Variants in TEX36 observed in about 807,000 individuals in gnomAD.
TEX36 encodes the protein testis expressed 36.
A neutral mutation model predicts 13.6 loss-of-function variants in TEX36; 12 were observed. The observed-to-expected ratio is 0.88, with a 90% confidence interval of 0.56 to 1.43. TEX36 has a LOEUF of 1.43. Among genes scored for constraint, TEX36 ranks in the 40% most tolerant of loss-of-function variants. The probability of loss-of-function intolerance (pLI) is 0.00; values close to 1 mark genes in which losing one functional copy is unlikely to be tolerated. For synonymous variants in TEX36, 93 were observed against 83.0 expected (o/e 1.12, Z -0.65); for missense variants, 224 against 228.3 (o/e 0.98, Z 0.12).
chr10:125,666,834 C>T lies in TEX36; in HGVS notation c.52-4857G>A, dbSNP rs540985270. The T allele has an allele frequency of 3.8e-4, 117 of 308,556 alleles. 8 individuals carry two copies. The highest frequency in any genetic ancestry group is 1.3e-4 in the Admixed American group (3 of 23,570). 19.1% of individuals were successfully genotyped at this position (308,556 alleles called of 1,614,324 possible). On this transcript the variant is annotated intron_variant, in intron 1 of 3. Coordinates refer to ENST00000368821, the MANE Select transcript of TEX36 (RefSeq NM_001128202.3). The stretch of plus-strand genomic sequence containing the variant: ...GGCCCGCTCTTCAAGAGAGTAGGGG[C>T]GGGGCCTGGAGTGTTGGGAACAGCC...
chr10:125,645,961 T>G (rs1358636660), intron 3 of TEX36, among the ~76,000 whole-genome samples: 2 of 152,248 alleles, frequency 1.3e-5, no homozygotes, highest in East Asian at 3.9e-4. Flanking sequence ...CAGAAATTAA[T>G]TAATAAAATG....
intron 3 of TEX36, among the ~76,000 whole-genome samples, chr10:125,647,606 C>T (rs1000196754): frequency 2.8e-4 from 42 of 152,332 alleles, no homozygotes; most frequent in African/African-American, 9.6e-4. Flanking sequence ...ATGTGAGTGA[C>T]ACAGAAGATG....
rs936380262 is a variant in TEX36 at position 125,656,200 on chromosome 10, G to A, written c.265-4C>T. ...AGATCTTCTTACGTCCCAGGCCCTG[G>A]AGAGAAGAATTACAAGATTCGAAGG... On this transcript the variant is annotated splice_polypyrimidine_tract_variant and splice_region_variant and intron_variant, in intron 3 of 3. Transcript: ENST00000368821. The A allele has an allele frequency of 6.9e-7, 1 of 1,446,222 alleles. No homozygotes were observed. Among genetic ancestry groups the A allele is most frequent in the Non-Finnish European group, 9.1e-7 (1 of 1,100,752 alleles). 89.6% of individuals were successfully genotyped at this position (1,446,222 alleles called of 1,614,324 possible). A position where few individuals can be genotyped will look rare whatever the true frequency, so the allele number is the denominator to read the frequency against.
At chr10:125,636,203 ATT>A (rs748673256) in intron 3 of TEX36, among the ~76,000 whole-genome samples, 2,464 of 121,638 alleles carry the variant, frequency 0.02, 64 homozygotes, top group African/African-American at 0.079. Context: ...TGTTTGCTGA[ATT>A]TTTTTTTTTT....
chr10:125,634,901 G>A (rs1047240517), intron 3 of TEX36, among the ~76,000 whole-genome samples: 1 of 152,164 alleles, frequency 6.6e-6, no homozygotes, highest in Non-Finnish European at 1.5e-5. Context: ...GGAAGATGAA[G>A]CTGTACAAAG....
intron 3 of TEX36, among the ~76,000 whole-genome samples, chr10:125,643,008 G>A (rs936558796): frequency 6.6e-6 from 1 of 152,198 alleles, no homozygotes; most frequent in African/African-American, 2.4e-5. Flanking sequence ...CAGGGGTGCT[G>A]GCATGGAGGC....
chr10:125,623,794 C>A (rs1213435461), intron 3 of TEX36, among the ~76,000 whole-genome samples: 1 of 152,192 alleles, frequency 6.6e-6, no homozygotes, highest in Non-Finnish European at 1.5e-5. Context: ...GATTTAATAA[C>A]ACATTAAAGA....
intron 1 of TEX36, among the ~76,000 whole-genome samples, chr10:125,668,690 T>C (rs1449627435): frequency 6.6e-6 from 1 of 152,224 alleles, no homozygotes; most frequent in East Asian, 1.9e-4. Context: ...ATCCTTTGTA[T>C]TTTCTTTTAG....
exon 4 of TEX36, chr10:125,576,691 C>T: frequency 6.6e-7 from 1 of 1,526,292 alleles, no homozygotes; most frequent in Non-Finnish European, 8.8e-7. Context: ...CCAACTAATA[C>T]ACATTCTATT....
intron 3 of TEX36, among the ~76,000 whole-genome samples, chr10:125,614,727 C>T (rs1846335777): frequency 6.6e-6 from 1 of 152,156 alleles, no homozygotes; most frequent in African/African-American, 2.4e-5. Flanking sequence ...ATGCCTCCAG[C>T]TTTGTTCTTT....
intron 3 of TEX36, among the ~76,000 whole-genome samples, chr10:125,585,164 C>T (rs11244569): frequency 1.3e-5 from 2 of 152,218 alleles, no homozygotes; most frequent in South Asian, 2.1e-4. Context: ...TCATGACAAA[C>T]TGCACAAAGA....
At chr10:125,601,442 CTTGT>C (rs1297556046) in intron 3 of TEX36, among the ~76,000 whole-genome samples, 1 of 152,210 alleles carries the variant, frequency 6.6e-6, no homozygotes, top group African/African-American at 2.4e-5. Flanking sequence ...CAGATGATTG[CTTGT>C]TTGTTTGAGT....
At position 125,683,147 on chromosome 10, in the gene TEX36, G is replaced by C. The variant is rs1469601035; in HGVS notation, c.-158C>G. The C allele has an allele frequency of 1.1e-5, 9 of 841,716 alleles. No homozygotes were observed. The highest frequency in any genetic ancestry group is 1.5e-5 in the Non-Finnish European group (8 of 520,876). The allele number at this position is 841,716 out of a possible 1,614,324, so 52.1% of individuals were successfully genotyped here. On this transcript the variant is annotated 5_prime_UTR_variant, in exon 1 of 4. Transcript: ENST00000368821. ...ATCTTTACTTCTCAGCCTCTTCCAGGAGGGGAAGGTGCGGGTGCCCATTGT... is the reference window on the plus strand; with the variant it reads ...ATCTTTACTTCTCAGCCTCTTCCAGCAGGGGAAGGTGCGGGTGCCCATTGT...
intron 1 of TEX36, chr10:125,667,685 T>A: frequency 1.4e-6 from 1 of 735,064 alleles, no homozygotes; most frequent in Non-Finnish European, 2.5e-6. Flanking sequence ...ACGCCCATCA[T>A]CCTTCTTCTG....
At chr10:125,584,863 C>T (rs761731160) in intron 3 of TEX36, among the ~76,000 whole-genome samples, 9 of 152,238 alleles carry the variant, frequency 5.9e-5, no homozygotes, top group Non-Finnish European at 1.3e-4. Context: ...TTTGTTACAG[C>T]AGCCTGAGAG....
chr10:125,648,621 C>T (rs1170070068), intron 3 of TEX36, among the ~76,000 whole-genome samples: 4 of 152,160 alleles, frequency 2.6e-5, no homozygotes, highest in African/African-American at 7.2e-5. Flanking sequence ...CGCAGCTCCT[C>T]GGCAGCAATG....
Position 125,580,634 on chromosome 10 carries a change from T to A in TEX36, c.265-3760A>T, listed in dbSNP as rs150259713. Among the ~76,000 whole-genome samples, 226 of 152,220 alleles carry A rather than the reference T, an allele frequency of 1.5e-3. 1 individual carries two copies. Among genetic ancestry groups the A allele is most frequent in the African/African-American group, 5.0e-3 (208 of 41,540 alleles). ...AACCCTTGTCACCAAGGGCCCACAT[T>A]ACTGAAGCCCGCTAGGTGGGCTGGC... On this transcript the variant is annotated intron_variant, in intron 3 of 3. Transcript: ENST00000532135.
At chr10:125,584,787 GACTTCCAAAGGGC>G (rs1274050481) in intron 3 of TEX36, among the ~76,000 whole-genome samples, 14 of 152,260 alleles carry the variant, frequency 9.2e-5, no homozygotes, top group African/African-American at 3.4e-4. Context: ...AACCAACTGT[GACTTCCAAAGGGC>G]AGAAATGTGA....
chr10:125,608,972 T>TAAAAAAAAA (rs35828943), intron 3 of TEX36, among the ~76,000 whole-genome samples: 1 of 83,332 alleles, frequency 1.2e-5, no homozygotes, highest in Non-Finnish European at 2.4e-5. Context: ...CCACCTCTAC[T>TAAAAAAAAA]AAAAAAAAAA....
Sources: gnomAD v4.1 joint callset for allele counts (sites outside exome capture counted in the v4.1 genomes callset) on GRCh38, gnomAD v4.1.1 for gene constraint, MANE v1.5 for transcripts, NCBI Gene and HGNC (gene_info 2026-07-23, HGNC 2026-07-21) for gene names.